Variants in PCNT observed in about 807,000 individuals in gnomAD.
PCNT encodes the protein kendrin.
A neutral mutation model predicts 380.4 loss-of-function variants in PCNT; 319 were observed. The observed-to-expected ratio is 0.84, with a 90% CI of 0.77 to 0.92. The LOEUF is 0.92. Ranked by LOEUF, PCNT falls within the 40% of genes least tolerant of loss-of-function variation. The pLI, the probability that PCNT is intolerant of heterozygous loss-of-function variation, is 0.00. For missense variants in PCNT, 4,400 were observed against 4,255.3 expected (o/e 1.03, Z -0.95); for synonymous variants, 1,845 against 1,735.2 (o/e 1.06, Z -1.57).
rs779087903 is a variant in PCNT, at chr21:46,440,092, A to G, written c.9283A>G (p.Arg3095Gly). 1.2e-6 allele frequency: 2 copies of G among 1,614,124 alleles called. No homozygotes were observed. The highest frequency in any genetic ancestry group is 3.3e-5 in the Admixed American group (2 of 60,024). ...QKGCSPSRSERSAWKPDETAP... is the reference protein window; with the variant it reads ...QKGCSPSRSEGSAWKPDETAP... ...CTGTGCTTCCTTACAGAGGTCGGAA[A>G]GGTCTGCTTGGAAGCCAGACGAAAC... The change falls in exon 42 of 47, where the codon AGG (arginine) becomes GGG (glycine). Residue 3095 changes from arginine to glycine, a missense_variant. Coordinates refer to ENST00000359568, the MANE Select transcript of PCNT (RefSeq NM_006031.6).
In PCNT at chr21:46,406,395, A is replaced by G. The variant is rs147018135; in HGVS notation, c.5115+3912A>G. Reference sequence around the variant, plus strand: ...TCCTTAAATATTTTAGGTTTTTTGCACTATTGTAAGTGAGATTTAAAATAA... The same window carrying G: ...TCCTTAAATATTTTAGGTTTTTTGCGCTATTGTAAGTGAGATTTAAAATAA... On this transcript the variant is annotated intron_variant, in intron 27 of 46. Transcript: ENST00000359568. Among the ~76,000 whole-genome samples, 36 of 152,268 alleles carry G rather than the reference A, an allele frequency of 2.4e-4. 1 individual carries two copies. In the East Asian group the frequency reaches 6.0e-3, roughly 25 times the overall value.
chr21:46,436,272 T>C (rs1210759177), intron 39 of PCNT, 124 bp downstream of exon 39: 6 of 1,122,354 alleles, frequency 5.3e-6, no homozygotes, highest in African/African-American at 1.5e-5. Flanking sequence ...AACGCTCTAG[T>C]CCTCTTTCTG....
At chr21:46,405,135 A>T (rs2086586330) in intron 27 of PCNT, among the ~76,000 whole-genome samples, 1 of 152,202 alleles carries the variant, frequency 6.6e-6, no homozygotes, top group Non-Finnish European at 1.5e-5. Flanking sequence ...CTGAAGGATG[A>T]GATAGGAAGA....
chr21:46,414,508 G>A (rs1015138828), intron 29 of PCNT, among the ~76,000 whole-genome samples: 2 of 80,500 alleles, frequency 2.5e-5, no homozygotes, highest in African/African-American at 5.4e-5. Context: ...CCTCCTTCTC[G>A]ACACACAACC....
At chr21:46,353,507 G>A (rs1369901643) in intron 10 of PCNT, among the ~76,000 whole-genome samples, 181 bp downstream of exon 10, 1 of 152,208 alleles carries the variant, frequency 6.6e-6, no homozygotes. Flanking sequence ...TGGCCTGCAT[G>A]TGTGTGTGCG....
At chr21:46,394,613 GA>G in intron 21 of PCNT, 4 of 612,330 alleles carry the variant, frequency 6.5e-6, no homozygotes, top group Non-Finnish European at 8.2e-6. Context: ...ATTTACTAAA[GA>G]AAAGTACTTC....
At chr21:46,371,949 C>T (rs940312220) in intron 15 of PCNT, among the ~76,000 whole-genome samples, 14 of 150,690 alleles carry the variant, frequency 9.3e-5, no homozygotes, top group East Asian at 2.0e-4. Context: ...ACAGCATGTG[C>T]GCACAAACAG....
At position 46,401,946 on chromosome 21, in the gene PCNT, G is replaced by A. The variant is rs540266047; in HGVS notation, c.4962+225G>A. Among the ~76,000 whole-genome samples the A allele has an allele frequency of 3.3e-5, 5 of 152,354 alleles. No homozygotes were observed. In the East Asian group the frequency reaches 9.7e-4, roughly 29 times the overall value. Reference sequence around the variant, plus strand: ...GCTCACTGCAACCTCCGCCTCCTGGGTTCAAGCGATTCTCCTGCCTCGGCC... The same window carrying A: ...GCTCACTGCAACCTCCGCCTCCTGGATTCAAGCGATTCTCCTGCCTCGGCC... On this transcript the variant is annotated intron_variant, in intron 26 of 46. Transcript: ENST00000359568.
chr21:46,427,396 G>A (rs2087551874), intron 33 of PCNT, among the ~76,000 whole-genome samples: 1 of 152,184 alleles, frequency 6.6e-6, no homozygotes, highest in Non-Finnish European at 1.5e-5. Flanking sequence ...GTTGGATTCT[G>A]GTGTAGGCGC....
chr21:46,353,915 C>T, intron 10 of PCNT, 72 bp from the exon 11 acceptor site: 1 of 1,334,956 alleles, frequency 7.5e-7, no homozygotes, highest in Non-Finnish European at 1.1e-6. Flanking sequence ...GCAGTCGGTC[C>T]TGGGGAGGGA....
chr21:46,366,621 A>G lies in PCNT; in HGVS notation c.2647A>G (p.Ser883Gly), dbSNP rs771897801. ...ACGTAAAGAGATCACCGAGAAATTC[A>G]GTGCGGAACAAGATGCCTTCCTGCA... ...EERKEITEKF[S>G]AEQDAFLQEA... The change falls in exon 15 of 47, where the codon AGT (serine) becomes GGT (glycine). Residue 883 changes from serine to glycine, a missense_variant. Transcript: ENST00000359568. 1.4e-5 allele frequency: 23 copies of G among 1,614,064 alleles called. No individual in the cohort carries two copies. The highest frequency in any genetic ancestry group is 1.9e-5 in the Non-Finnish European group (23 of 1,180,028).
chr21:46,351,566 G>T (rs182695816), intron 9 of PCNT, 26 bp downstream of exon 9: 302 of 1,301,094 alleles, frequency 2.3e-4, no homozygotes, highest in Non-Finnish European at 3.3e-4. Context: ...GGAAAATTCA[G>T]ATCCTCAAAA....
At chr21:46,409,429 C>G (rs1002615261) in intron 27 of PCNT, among the ~76,000 whole-genome samples, 1 of 152,128 alleles carries the variant, frequency 6.6e-6, no homozygotes, top group Non-Finnish European at 1.5e-5. Context: ...CTCAGAAGAT[C>G]CGCCTGCCTT....
intron 28 of PCNT, 81 bp downstream of exon 28, chr21:46,412,148 G>A: frequency 4.1e-6 from 6 of 1,479,018 alleles, no homozygotes; most frequent in African/African-American, 2.8e-5. Context: ...TTCTCTCTGC[G>A]CTGGGCACTG....
rs2083419848 is a variant in PCNT at position 46,327,107 on chromosome 21, C to T, written c.267+518C>T. On this transcript the variant is annotated intron_variant, in intron 2 of 46. Coordinates refer to ENST00000359568, the MANE Select transcript of PCNT (RefSeq NM_006031.6). ...ATGGATTCTCGCTCTGTCTCCCAGG[C>T]TGGAGTGCAGTGGCGCGATCTCGGC... 2.0e-5 allele frequency among the ~76,000 whole-genome samples: 3 copies of T among 151,588 alleles called. No individual in the cohort carries two copies. The South Asian group carries it at 6.3e-4, about 32-fold the overall frequency.
intron 13 of PCNT, 81 bp downstream of exon 13, chr21:46,357,272 T>C (rs1325299161): frequency 3.0e-6 from 3 of 984,984 alleles, no homozygotes; most frequent in Non-Finnish European, 4.9e-6. Flanking sequence ...TCCTTGTGTA[T>C]GGAGGGGCAT....
chr21:46,325,103 C>T, intron 1 of PCNT: 1 of 985,542 alleles, frequency 1.0e-6, no homozygotes, highest in Non-Finnish European at 1.2e-6. Context: ...TGGCCACTGT[C>T]CTAGGTTTCG....
chr21:46,346,506 G>A (rs555904075), intron 4 of PCNT, among the ~76,000 whole-genome samples: 6 of 152,188 alleles, frequency 3.9e-5, no homozygotes, highest in Non-Finnish European at 5.9e-5. Flanking sequence ...GTCATACAGC[G>A]AGGGAATTCG....
At chr21:46,441,434 G>A (rs117443010) in intron 43 of PCNT, among the ~76,000 whole-genome samples, 7,186 of 152,248 alleles carry the variant, frequency 0.047, 221 homozygotes, top group Non-Finnish European at 0.064. Flanking sequence ...TGCCACAGAG[G>A]TGTTTCCCAA....
Sources: allele counts gnomAD v4.1 joint callset (sites outside exome capture counted in the v4.1 genomes callset), GRCh38; gene constraint gnomAD v4.1.1; transcripts MANE v1.5; gene names NCBI Gene and HGNC (gene_info 2026-07-23, HGNC 2026-07-21).